PPP2R5E: variants seen among roughly 807,000 people sequenced by gnomAD.
PPP2R5E encodes the protein serine/threonine-protein phosphatase 2A 56 kDa regulatory subunit epsilon isoform.
In PPP2R5E, 4 loss-of-function variants were observed where a neutral mutation model predicts 65.3. The observed-to-expected ratio is 0.06, with a 90% CI of 0.03 to 0.14. PPP2R5E has a LOEUF of 0.14. PPP2R5E is among the 10% of genes least tolerant of loss of function. The probability of loss-of-function intolerance (pLI) is 1.00; values close to 1 mark genes in which losing one functional copy is unlikely to be tolerated. For missense variants in PPP2R5E, 274 were observed against 556.1 expected (o/e 0.49, Z 5.10); for synonymous variants, 183 against 187.4 (o/e 0.98, Z 0.19).
chr14:63,424,828 A>G (rs905019238), intron 3 of PPP2R5E, among the ~76,000 whole-genome samples: 2 of 152,164 alleles, frequency 1.3e-5, no homozygotes, highest in Admixed American at 6.5e-5. Context: ...GAGCAAATGA[A>G]AAGAAGCAGG....
At chr14:63,495,074 G>A (rs1375333847) in intron 2 of PPP2R5E, among the ~76,000 whole-genome samples, 1 of 151,340 alleles carries the variant, frequency 6.6e-6, no homozygotes, top group Non-Finnish European at 1.5e-5. Flanking sequence ...CCAGAGGCAT[G>A]CACCAGTAAT....
At chr14:63,518,010 T>C (rs1267668560) in intron 2 of PPP2R5E, among the ~76,000 whole-genome samples, 1 of 152,034 alleles carries the variant, frequency 6.6e-6, no homozygotes, top group Admixed American at 6.5e-5. Flanking sequence ...AACTTAAGAT[T>C]GTGTACTTTA....
chr14:63,465,698 A>T (rs2139531271), intron 2 of PPP2R5E, among the ~76,000 whole-genome samples: 1 of 152,302 alleles, frequency 6.6e-6, no homozygotes, highest in East Asian at 1.9e-4. Flanking sequence ...AACTTGAATT[A>T]AACAAAGGCC....
At chr14:63,520,859 C>CAAAAAAAAAAAAAAAA (rs748146106) in intron 2 of PPP2R5E, among the ~76,000 whole-genome samples, 11 of 58,518 alleles carry the variant, frequency 1.9e-4, no homozygotes, top group South Asian at 1.3e-3. Context: ...ACTAAAAATA[C>CAAAAAAAAAAAAAAAA]AAAAAAAAAA....
intron 3 of PPP2R5E, among the ~76,000 whole-genome samples, chr14:63,444,835 G>GC (rs1888398576): frequency 6.6e-6 from 1 of 152,208 alleles, no homozygotes; most frequent in African/African-American, 2.4e-5. Context: ...ATGGAGCAAA[G>GC]CCTAAAGGAG....
intron 5 of PPP2R5E, among the ~76,000 whole-genome samples, chr14:63,405,519 G>A (rs764455990): frequency 2.6e-5 from 4 of 152,182 alleles, no homozygotes; most frequent in Non-Finnish European, 4.4e-5. Context: ...AACAGCAAAT[G>A]TGAAGTACAA....
chr14:63,399,366 C>CTTTTTTTTTTTTTTTTTTTTT (rs397814218), intron 5 of PPP2R5E, among the ~76,000 whole-genome samples: 1 of 48,504 alleles, frequency 2.1e-5, no homozygotes, highest in African/African-American at 8.3e-5. Context: ...GGATTTCTTT[C>CTTTTTTTTTTTTTTTTTTTTT]TTTTTTTTTT....
chr14:63,474,150 T>C (rs1249145711), intron 2 of PPP2R5E, among the ~76,000 whole-genome samples: 1 of 152,186 alleles, frequency 6.6e-6, no homozygotes, highest in Non-Finnish European at 1.5e-5. Flanking sequence ...GGAGACAAAG[T>C]GGACAAATTA....
At chr14:63,522,672 C>A (rs1024673849) in intron 2 of PPP2R5E, among the ~76,000 whole-genome samples, 2 of 150,792 alleles carry the variant, frequency 1.3e-5, no homozygotes, top group Non-Finnish European at 1.5e-5. Flanking sequence ...TCTGCCCGGC[C>A]GCGACCCCGT....
chr14:63,458,099 G>A (rs779990080), intron 2 of PPP2R5E, among the ~76,000 whole-genome samples: 5 of 152,104 alleles, frequency 3.3e-5, no homozygotes, highest in Non-Finnish European at 5.9e-5. Context: ...TTAAATTTAC[G>A]AGTGTGACAT....
intron 5 of PPP2R5E, among the ~76,000 whole-genome samples, chr14:63,404,276 G>T (rs1479455661): frequency 6.6e-6 from 1 of 152,172 alleles, no homozygotes; most frequent in Non-Finnish European, 1.5e-5. Context: ...CCTATTCCAT[G>T]TAAAGTAAGA....
Position 63,396,849 on chromosome 14 carries a change from C to T in PPP2R5E, c.550-133G>A, listed in dbSNP as rs568851820. On this transcript the variant is annotated intron_variant, in intron 5 of 13. Transcript: ENST00000337537. ...TATCTATTATGTGCCAAGCACAGTG[C>T]TAGTCTTTGGGCATATCATGATAAA... is the stretch of plus-strand genomic sequence containing the variant. The T allele has an allele frequency of 7.7e-5, 83 of 1,076,568 alleles. No individual in the cohort carries two copies. The Admixed American group carries it at 9.1e-4, about 12-fold the overall frequency. The allele number at this position is 1,076,568 out of a possible 1,614,324, so 66.7% of individuals were successfully genotyped here. A position where few individuals can be genotyped will look rare whatever the true frequency, so the allele number is the denominator to read the frequency against.
At chr14:63,530,656 GAGACACTCTCACTCT>G (rs1893387962) in intron 2 of PPP2R5E, among the ~76,000 whole-genome samples, 3 of 21,054 alleles carry the variant, frequency 1.4e-4, no homozygotes, top group Admixed American at 5.1e-4. Context: ...TTTTTTTTTT[GAGACACTCTCACTCT>G]GTCACCCAGG....
At chr14:63,518,808 A>G (rs1594963463) in intron 2 of PPP2R5E, among the ~76,000 whole-genome samples, 1 of 152,210 alleles carries the variant, frequency 6.6e-6, no homozygotes, top group African/African-American at 2.4e-5. Flanking sequence ...ATGGAAAAAT[A>G]AAAGTATAAT....
chr14:63,484,279 T>C (rs1890863951), intron 2 of PPP2R5E, among the ~76,000 whole-genome samples: 1 of 151,462 alleles, frequency 6.6e-6, no homozygotes, highest in Non-Finnish European at 1.5e-5. Flanking sequence ...CTAAAAAGCC[T>C]GAGAGGGGAA....
chr14:63,383,792 G>C (rs1884507737), intron 12 of PPP2R5E, among the ~76,000 whole-genome samples: 1 of 152,104 alleles, frequency 6.6e-6, no homozygotes, highest in African/African-American at 2.4e-5. Flanking sequence ...AACTTCCCTT[G>C]ATGATTTTAA....
intron 8 of PPP2R5E, among the ~76,000 whole-genome samples, chr14:63,393,082 T>C (rs1885115290): frequency 6.6e-6 from 1 of 152,202 alleles, no homozygotes; most frequent in African/African-American, 2.4e-5. Context: ...AAAGACATGG[T>C]GAGTGACCTA....
chr14:63,423,594 A>T (rs373659722), intron 3 of PPP2R5E, among the ~76,000 whole-genome samples: 10 of 152,344 alleles, frequency 6.6e-5, no homozygotes, highest in Admixed American at 2.0e-4. Context: ...GAAGGGAAAA[A>T]GAAAGGAGAT....
intron 3 of PPP2R5E, among the ~76,000 whole-genome samples, chr14:63,448,818 A>G (rs571153554): frequency 2.0e-5 from 3 of 150,764 alleles, no homozygotes; most frequent in East Asian, 1.9e-4. Flanking sequence ...GCAACCCCCA[A>G]TATCTATGAA....
Sources: allele counts gnomAD v4.1 joint callset (sites outside exome capture counted in the v4.1 genomes callset), GRCh38; gene constraint gnomAD v4.1.1; transcripts MANE v1.5; gene names NCBI Gene and HGNC (gene_info 2026-07-23, HGNC 2026-07-21).